Variants in TFCP2L1 observed in about 807,000 individuals in gnomAD.
The protein encoded by TFCP2L1 is transcription factor CP2 like 1.
A neutral mutation model predicts 72.2 loss-of-function variants in TFCP2L1; 12 were observed. The ratio of observed to expected loss-of-function variants is 0.17; its 90% CI spans 0.11 to 0.27. The LOEUF is 0.27. Ranked by LOEUF, TFCP2L1 falls within the 10% of genes least tolerant of loss-of-function variation. The pLI, the probability that TFCP2L1 is intolerant of heterozygous loss-of-function variation, is 1.00. For synonymous variants in TFCP2L1, 260 were observed against 251.0 expected (o/e 1.04, Z -0.34); for missense variants, 488 against 624.6 (o/e 0.78, Z 2.33).
At chr2:121,228,698 C>T (rs767138854) in intron 13 of TFCP2L1, among the ~76,000 whole-genome samples, 9 of 136,228 alleles carry the variant, frequency 6.6e-5, no homozygotes, top group Non-Finnish European at 9.1e-5. Flanking sequence ...CCCAGGAGGT[C>T]GAGGCTGCAA....
intron 2 of TFCP2L1, among the ~76,000 whole-genome samples, chr2:121,252,995 A>G (rs537301257): frequency 6.6e-6 from 1 of 152,332 alleles, no homozygotes; most frequent in South Asian, 2.1e-4. Flanking sequence ...TGCTGTCTCT[A>G]TAAAAATAAC....
chr2:121,260,913 CT>C (rs953712824), intron 2 of TFCP2L1, among the ~76,000 whole-genome samples: 2 of 152,204 alleles, frequency 1.3e-5, no homozygotes, highest in African/African-American at 4.8e-5. Context: ...CCTACAGTTA[CT>C]GGTTTGGGTA....
At chr2:121,248,363 C>G in intron 4 of TFCP2L1, 93 bp from the exon 5 acceptor site, 1 of 1,010,780 alleles carries the variant, frequency 9.9e-7, no homozygotes, top group Non-Finnish European at 1.4e-6. Flanking sequence ...AATTCCTTCG[C>G]CCCAATTTGC....
intron 13 of TFCP2L1, among the ~76,000 whole-genome samples, chr2:121,231,059 G>A (rs1220534145): frequency 6.6e-6 from 1 of 152,182 alleles, no homozygotes; most frequent in Admixed American, 6.5e-5. Context: ...TGTTCAACCT[G>A]GGGCAATTAC....
intron 6 of TFCP2L1, among the ~76,000 whole-genome samples, chr2:121,244,062 G>A (rs534167649): frequency 6.6e-6 from 1 of 152,204 alleles, no homozygotes; most frequent in South Asian, 2.1e-4. Flanking sequence ...AGAGTGTGGT[G>A]TGTGGCAGCC....
At position 121,285,152 on chromosome 2, in the gene TFCP2L1, G is replaced by A. The variant is rs771391842; in HGVS notation, c.-43C>T. 3 of 1,436,260 alleles carry A rather than the reference G, an allele frequency of 2.1e-6. No homozygotes were observed. Among genetic ancestry groups the A allele is most frequent in the South Asian group, 1.5e-5 (1 of 67,924 alleles). 89.0% of individuals were successfully genotyped at this position (1,436,260 alleles called of 1,614,324 possible). ...CGCCGACCGGGGCGCGGCAGCAAGC[G>A]CAGACGCGGGGCGCGCCGAGGACCC... On this transcript the variant is annotated 5_prime_UTR_variant, in exon 1 of 15. Transcript: ENST00000263707.
chr2:121,251,269 A>G (rs554084549), intron 2 of TFCP2L1, among the ~76,000 whole-genome samples: 1 of 152,174 alleles, frequency 6.6e-6, no homozygotes, highest in East Asian at 1.9e-4. Context: ...AGAAAAAAAA[A>G]AAAAGTACAT....
At chr2:121,233,656 G>A (rs1313923303) in intron 12 of TFCP2L1, among the ~76,000 whole-genome samples, 4 of 152,198 alleles carry the variant, frequency 2.6e-5, no homozygotes, top group East Asian at 1.9e-4. Flanking sequence ...CCAGGCTGAC[G>A]CCTTTCACCA....
intron 6 of TFCP2L1, among the ~76,000 whole-genome samples, chr2:121,243,718 C>T (rs1462743307): frequency 1.3e-5 from 2 of 151,712 alleles, no homozygotes; most frequent in Non-Finnish European, 2.9e-5. Context: ...TGATGGGTGA[C>T]TGTCCTCCCC....
rs994012848 is a variant in TFCP2L1 at position 121,216,597 on chromosome 2, A to G, written c.*7744T>C. The stretch of plus-strand genomic sequence containing the variant: ...CCTGAGCCACAGAGGTTTCTTACAA[A>G]TGTGAGTTTTATTTGCATTCTAACC... On this transcript the variant is annotated 3_prime_UTR_variant, in exon 15 of 15. Coordinates refer to ENST00000263707, the MANE Select transcript of TFCP2L1 (RefSeq NM_014553.3). 1 of 152,270 alleles carries G rather than the reference A, an allele frequency of 6.6e-6. No homozygotes were observed. Among genetic ancestry groups the G allele is most frequent in the Non-Finnish European group, 1.5e-5 (1 of 68,052 alleles). The allele number at this position is 152,270 out of a possible 1,614,324, so 9.4% of individuals were successfully genotyped here.
chr2:121,241,466 C>T (rs1282083067), intron 7 of TFCP2L1, among the ~76,000 whole-genome samples: 2 of 152,012 alleles, frequency 1.3e-5, no homozygotes, highest in Admixed American at 6.5e-5. Flanking sequence ...CACTGCACTC[C>T]AGCCTAGGCA....
intron 2 of TFCP2L1, among the ~76,000 whole-genome samples, chr2:121,265,467 G>A (rs1045436381): frequency 6.6e-6 from 1 of 152,046 alleles, no homozygotes; most frequent in Non-Finnish European, 1.5e-5. Flanking sequence ...TAGGGTATGT[G>A]AATCATATCA....
intron 5 of TFCP2L1, among the ~76,000 whole-genome samples, chr2:121,247,201 GCC>G (rs1175242159): frequency 6.6e-6 from 1 of 152,054 alleles, no homozygotes; most frequent in Non-Finnish European, 1.5e-5. Context: ...TACTGTGGAG[GCC>G]CTGCCTGACC....
At chr2:121,239,956 G>A (rs1209125820) in intron 7 of TFCP2L1, 3 of 799,948 alleles carry the variant, frequency 3.8e-6, no homozygotes, top group East Asian at 1.3e-4. Context: ...TTGGGTCCAC[G>A]AGAGAGAAAA....
chr2:121,231,680 A>G, intron 13 of TFCP2L1, 146 bp downstream of exon 13: 2 of 1,226,812 alleles, frequency 1.6e-6, no homozygotes, highest in South Asian at 3.0e-5. Flanking sequence ...TCTCCATCGC[A>G]GCCCCGGACA....
chr2:121,263,028 G>A (rs947193453), intron 2 of TFCP2L1, among the ~76,000 whole-genome samples: 13 of 151,812 alleles, frequency 8.6e-5, no homozygotes, highest in East Asian at 5.8e-4. Context: ...CCCCATCTCC[G>A]GGGTTCAAGC....
At chr2:121,255,366 G>A (rs1686693280) in intron 2 of TFCP2L1, among the ~76,000 whole-genome samples, 1 of 152,174 alleles carries the variant, frequency 6.6e-6, no homozygotes. Context: ...ATTGTAAAAT[G>A]TGGGGGGGAG....
rs778384110 is a variant in TFCP2L1 at position 121,249,602 on chromosome 2, T to A, written c.260A>T (p.Asp87Val). Reference protein sequence around the residue: ...IRLLENRKLGDFQDLNTKYVK... With the variant: ...IRLLENRKLGVFQDLNTKYVK... ...ATATTTTGTGTTCAGATCTTGAAAG[T>A]CTCCCAGCTTCCGATTCTCCAGTAG... The change falls in exon 3 of 15, where the codon GAC becomes GTC. Residue 87 changes from aspartate (D) to valine (V), a missense_variant. Transcript: ENST00000263707. The A allele has an allele frequency of 8.1e-6, 13 of 1,614,066 alleles. No individual in the cohort carries two copies. In the South Asian group the frequency reaches 1.3e-4, roughly 16 times the overall value.
chr2:121,246,650 T>C (rs1686492885), intron 6 of TFCP2L1, among the ~76,000 whole-genome samples, 168 bp downstream of exon 6: 1 of 152,130 alleles, frequency 6.6e-6, no homozygotes. Context: ...CTGTGGTGCC[T>C]GGACTTGAAG....
Sources: gnomAD v4.1 joint callset for allele counts (sites outside exome capture counted in the v4.1 genomes callset) on GRCh38, gnomAD v4.1.1 for gene constraint, MANE v1.5 for transcripts, NCBI Gene and HGNC (gene_info 2026-07-23, HGNC 2026-07-21) for gene names.